RPS6KA2: variants seen among roughly 807,000 people sequenced by gnomAD.
RPS6KA2 encodes ribosomal protein S6 kinase alpha-2.
In RPS6KA2, 42 loss-of-function variants were observed where a neutral mutation model predicts 91.8. The observed-to-expected ratio is 0.46, with a 90% confidence interval of 0.36 to 0.59. The LOEUF (loss-of-function observed/expected upper bound fraction) is 0.59, where lower values mean the gene tolerates loss of function less well. RPS6KA2 is among the 20% of genes least tolerant of loss of function. The probability of loss-of-function intolerance (pLI) is 0.00; values close to 1 mark genes in which losing one functional copy is unlikely to be tolerated. For missense variants in RPS6KA2, 798 were observed against 978.5 expected (o/e 0.82, Z 2.46); for synonymous variants, 414 against 393.6 (o/e 1.05, Z -0.61).
Position 166,500,975 on chromosome 6 carries a change from CG to C in RPS6KA2, c.567-52del, listed in dbSNP as rs748062986. On this transcript the variant is annotated intron_variant, in intron 6 of 20. Transcript: ENST00000265678. The surrounding 1 kb of genome is among the most constrained non-coding windows in gnomAD (Gnocchi z 4.3). ...TGCTTTAGAAAGAGACCCAGCCTGC[CG>C]ACGGGCACGCAGAGCTCAGAGGAGA... 26 of 1,566,354 alleles carry C rather than the reference CG, an allele frequency of 1.7e-5. No individual in the cohort carries two copies. In the South Asian group the frequency reaches 2.7e-4, roughly 16 times the overall value.
chr6:166,422,395 C>A (rs774077158), intron 17 of RPS6KA2, among the ~76,000 whole-genome samples: 1 of 152,118 alleles, frequency 6.6e-6, no homozygotes, highest in Non-Finnish European at 1.5e-5. Context: ...AGATGCCAGG[C>A]GCCTCAGACC....
At chr6:166,758,697 G>A (rs1778088891) in intron 2 of RPS6KA2, among the ~76,000 whole-genome samples, 1 of 152,240 alleles carries the variant, frequency 6.6e-6, no homozygotes, top group South Asian at 2.1e-4. Context: ...CACGGCTAAG[G>A]ATGCAGGTGT....
At chr6:166,623,275 G>GA (rs897887844) in intron 1 of RPS6KA2, among the ~76,000 whole-genome samples, 4 of 143,692 alleles carry the variant, frequency 2.8e-5, no homozygotes, top group African/African-American at 1.1e-4. Context: ...CTTTTAATTA[G>GA]TTTAAATGTA....
rs1025413450 is a variant in RPS6KA2 at position 166,849,967 on chromosome 6, G to A, written c.123+8233C>T. Among the ~76,000 whole-genome samples the A allele has an allele frequency of 9.9e-5, 15 of 151,916 alleles. No individual in the cohort carries two copies. The highest frequency in any genetic ancestry group is 3.6e-4 in the African/African-American group (15 of 41,358). ...AGTGTGAGACTCCGGGTTCAGGAAC[G>A]AGGGGCACTCACGCATGGCTCTGCT... On this transcript the variant is annotated intron_variant, in intron 2 of 21. Coordinates refer to the RPS6KA2 transcript ENST00000503859. The surrounding 1 kb of genome is among the most constrained non-coding windows in gnomAD (Gnocchi z 4.9).
chr6:166,512,806 G>A (rs965947967), intron 3 of RPS6KA2, among the ~76,000 whole-genome samples: 2 of 152,218 alleles, frequency 1.3e-5, no homozygotes, highest in Admixed American at 1.3e-4. Flanking sequence ...ACAACAACAC[G>A]GGGCCCGCCC....
At chr6:166,692,952 G>T (rs1789252563) in intron 2 of RPS6KA2, among the ~76,000 whole-genome samples, 1 of 152,184 alleles carries the variant, frequency 6.6e-6, no homozygotes. Flanking sequence ...AACCTCCACG[G>T]GAGTATGTAA....
intron 2 of RPS6KA2, among the ~76,000 whole-genome samples, chr6:166,844,248 C>A (rs1321209092): frequency 6.6e-6 from 1 of 152,062 alleles, no homozygotes; most frequent in Non-Finnish European, 1.5e-5. Flanking sequence ...AAAACATGAA[C>A]AAAAGCTCCA....
intron 1 of RPS6KA2, among the ~76,000 whole-genome samples, chr6:166,607,740 G>A (rs1786005851): frequency 6.6e-6 from 1 of 152,214 alleles, no homozygotes; most frequent in Non-Finnish European, 1.5e-5. Context: ...TGGGTGAATT[G>A]TATGGTATGT....
chr6:166,576,621 C>T (rs1362692361), intron 1 of RPS6KA2, among the ~76,000 whole-genome samples: 3 of 152,026 alleles, frequency 2.0e-5, no homozygotes, highest in East Asian at 1.9e-4. Context: ...AGGTATCTGG[C>T]GGAAGAACTT....
At chr6:166,589,850 A>G (rs3778386) in intron 1 of RPS6KA2, among the ~76,000 whole-genome samples, 56,317 of 152,132 alleles carry the variant, frequency 0.37, 10,771 homozygotes, top group East Asian at 0.54. Flanking sequence ...AACATAAACT[A>G]AACTGTGGCA....
intron 1 of RPS6KA2, among the ~76,000 whole-genome samples, chr6:166,558,544 G>C (rs1784244444): frequency 6.6e-6 from 1 of 152,182 alleles, no homozygotes; most frequent in Non-Finnish European, 1.5e-5. Flanking sequence ...CCCAAGCAGT[G>C]TGTGCCCAGG....
intron 2 of RPS6KA2, chr6:166,757,992 C>A: frequency 5.6e-6 from 1 of 178,910 alleles, no homozygotes; most frequent in Non-Finnish European, 1.2e-5. Flanking sequence ...CACTTAGAGG[C>A]AATCAAATGT....
intron 1 of RPS6KA2, chr6:166,858,320 A>C: frequency 1.1e-6 from 1 of 897,158 alleles, no homozygotes; most frequent in Non-Finnish European, 1.8e-6. Flanking sequence ...AGGTGGCCTC[A>C]TACAGGTTAC....
intron 2 of RPS6KA2, among the ~76,000 whole-genome samples, chr6:166,800,028 G>C (rs1245094910): frequency 7.0e-6 from 1 of 143,284 alleles, no homozygotes; most frequent in Non-Finnish European, 1.5e-5. Flanking sequence ...CGTGGAGACC[G>C]TGGGTTCCTT....
intron 2 of RPS6KA2, among the ~76,000 whole-genome samples, chr6:166,790,135 T>A (rs1779044560): frequency 6.6e-6 from 1 of 151,902 alleles, no homozygotes; most frequent in Non-Finnish European, 1.5e-5. Context: ...GACGAATGGA[T>A]AACTAGAATA....
intron 1 of RPS6KA2, among the ~76,000 whole-genome samples, chr6:166,616,423 C>G (rs1284587360): frequency 6.6e-6 from 1 of 152,232 alleles, no homozygotes; most frequent in Admixed American, 6.5e-5. Context: ...TGCTCACCAG[C>G]AGCAGCTCTC....
In RPS6KA2 at chr6:166,729,361, T is replaced by C. The variant is rs569546362; in HGVS notation, c.123+128839A>G. Reference sequence around the variant, plus strand: ...TCAGGATGTTATTTCTTTCTCTTTCTGTGTGTGATGGGGTCTCACTCTGTC... The same window carrying C: ...TCAGGATGTTATTTCTTTCTCTTTCCGTGTGTGATGGGGTCTCACTCTGTC... On this transcript the variant is annotated intron_variant, in intron 2 of 21. Transcript: ENST00000503859. 1.1e-4 allele frequency among the ~76,000 whole-genome samples: 17 copies of C among 152,370 alleles called. 1 individual carries two copies. The South Asian group carries it at 3.3e-3, about 30-fold the overall frequency.
At chr6:166,848,129 T>C (rs1236557679) in intron 2 of RPS6KA2, among the ~76,000 whole-genome samples, 3 of 152,120 alleles carry the variant, frequency 2.0e-5, no homozygotes, top group East Asian at 1.9e-4. Flanking sequence ...AAAGAAGATA[T>C]ACAAATGGCC....
chr6:166,773,810 C>A (rs771028358), intron 2 of RPS6KA2, among the ~76,000 whole-genome samples: 2 of 152,096 alleles, frequency 1.3e-5, no homozygotes, highest in Non-Finnish European at 2.9e-5. Flanking sequence ...GCTAGCTCCA[C>A]CAGGAAGAAA....
Sources: allele counts gnomAD v4.1 joint callset (sites outside exome capture counted in the v4.1 genomes callset), GRCh38; gene constraint gnomAD v4.1.1; non-coding constraint Gnocchi (gnomAD v3.1); transcripts MANE v1.5; gene names NCBI Gene and HGNC (gene_info 2026-07-23, HGNC 2026-07-21).